CIDEA: variants seen among roughly 807,000 people sequenced by gnomAD.
The protein encoded by CIDEA is lipid transferase CIDEA.
Under a neutral mutation model 18.2 loss-of-function variants are expected in CIDEA, and 10 were observed. The observed-to-expected ratio is 0.55, with a 90% CI of 0.34 to 0.93. The LOEUF is 0.93. Among genes scored for constraint, CIDEA ranks in the 40% least tolerant of loss-of-function variants. The pLI is 0.02. For synonymous variants in CIDEA, 128 were observed against 124.8 expected, an observed-to-expected ratio of 1.03 and a Z score of -0.17; for missense variants, 309 against 293.1, an observed-to-expected ratio of 1.05 and a Z score of -0.40.
chr18:12,266,291 CA>C (rs1402491464), intron 3 of CIDEA, among the ~76,000 whole-genome samples: 2 of 151,702 alleles, frequency 1.3e-5, no homozygotes, highest in Non-Finnish European at 2.9e-5. Flanking sequence ...CCATCTCTAC[CA>C]AAAAATACAA....
At chr18:12,273,679 C>T (rs1307499367) in intron 3 of CIDEA, among the ~76,000 whole-genome samples, 1 of 152,198 alleles carries the variant, frequency 6.6e-6, no homozygotes, top group Non-Finnish European at 1.5e-5. Context: ...TAAAATTGAA[C>T]CAATGCTGCC....
chr18:12,277,519 C>A lies in CIDEA; in HGVS notation c.*249C>A, dbSNP rs995340735. The A allele has an allele frequency of 2.0e-6, 1 of 492,162 alleles. No individual in the cohort carries two copies. The highest frequency in any genetic ancestry group is 3.7e-6 in the Non-Finnish European group (1 of 272,038). The allele number at this position is 492,162 out of a possible 1,614,324, so 30.5% of individuals were successfully genotyped here. A position where few individuals can be genotyped will look rare whatever the true frequency, so the allele number is the denominator to read the frequency against. ...GGAAGCGAGCACGCAGCAGGCGTGCCCAGGAGCGTGTGCATGTGTCAGAGC... is the reference window on the plus strand; with the variant it reads ...GGAAGCGAGCACGCAGCAGGCGTGCACAGGAGCGTGTGCATGTGTCAGAGC... On this transcript the variant is annotated 3_prime_UTR_variant, in exon 5 of 5. Coordinates refer to ENST00000320477, the MANE Select transcript of CIDEA (RefSeq NM_001279.4).
chr18:12,260,277 G>A (rs1912154061), intron 1 of CIDEA, among the ~76,000 whole-genome samples: 1 of 152,124 alleles, frequency 6.6e-6, no homozygotes, highest in Admixed American at 6.5e-5. Context: ...TAGGGCTCGA[G>A]CAATCCCCTT....
At chr18:12,271,049 C>T (rs1007498248) in intron 3 of CIDEA, among the ~76,000 whole-genome samples, 4 of 151,820 alleles carry the variant, frequency 2.6e-5, no homozygotes, top group Non-Finnish European at 5.9e-5. Context: ...CAGGCGCCCA[C>T]CACCACGCCC....
chr18:12,277,376 C>A lies in CIDEA; in HGVS notation c.*106C>A. On this transcript the variant is annotated 3_prime_UTR_variant, in exon 5 of 5. Transcript: ENST00000320477. Reference sequence around the variant, plus strand: ...TTCTGAGCCACATGCACTTGGAGGCCGCTGGTCACGCTGCTCAGGAGTGGT... The same window carrying A: ...TTCTGAGCCACATGCACTTGGAGGCAGCTGGTCACGCTGCTCAGGAGTGGT... 1.7e-6 allele frequency: 2 copies of A among 1,199,428 alleles called. No individual in the cohort carries two copies. Among genetic ancestry groups the A allele is most frequent in the Non-Finnish European group, 2.4e-6 (2 of 849,200 alleles). The allele number at this position is 1,199,428 out of a possible 1,614,324, so 74.3% of individuals were successfully genotyped here. A position where few individuals can be genotyped will look rare whatever the true frequency, so the allele number is the denominator to read the frequency against.
intron 3 of CIDEA, among the ~76,000 whole-genome samples, chr18:12,269,627 C>T (rs1192829862): frequency 6.6e-6 from 1 of 152,198 alleles, no homozygotes; most frequent in Admixed American, 6.5e-5. Flanking sequence ...TCCAAATGTG[C>T]TGTGGAAACA....
chr18:12,256,336 C>T (rs1311256960), intron 1 of CIDEA, among the ~76,000 whole-genome samples: 1 of 152,188 alleles, frequency 6.6e-6, no homozygotes, highest in African/African-American at 2.4e-5. Context: ...TTATTAGTAA[C>T]TACATTTTAC....
At chr18:12,269,520 C>CT (rs1598780033) in intron 3 of CIDEA, among the ~76,000 whole-genome samples, 1 of 152,222 alleles carries the variant, frequency 6.6e-6, no homozygotes, top group East Asian at 1.9e-4. Context: ...TCCATCAGTC[C>CT]GTCTTCCATT....
chr18:12,254,548 C>A, intron 1 of CIDEA, 127 bp downstream of exon 1: 1 of 1,532,852 alleles, frequency 6.5e-7, no homozygotes, highest in South Asian at 1.2e-5. Context: ...CCCGCATTCT[C>A]TTGCGCTCCG....
chr18:12,276,359 C>T (rs1905333387), intron 4 of CIDEA, among the ~76,000 whole-genome samples: 1 of 152,018 alleles, frequency 6.6e-6, no homozygotes. Context: ...GTAGCACAAT[C>T]ATAGTTCACT....
chr18:12,277,024 G>T (rs994387354), intron 4 of CIDEA, 99 bp from the exon 5 acceptor site: 2 of 1,353,400 alleles, frequency 1.5e-6, no homozygotes, highest in South Asian at 2.6e-5. Flanking sequence ...GGCCTCCTCC[G>T]AGTGCCTTTT....
intron 4 of CIDEA, among the ~76,000 whole-genome samples, chr18:12,276,749 GA>G: frequency 6.6e-6 from 1 of 152,298 alleles, no homozygotes; most frequent in Non-Finnish European, 1.5e-5. Flanking sequence ...CCCAGCAGCC[GA>G]AGCCCAGGAC....
chr18:12,270,981 C>T (rs1264787311), intron 3 of CIDEA, among the ~76,000 whole-genome samples: 1 of 145,512 alleles, frequency 6.9e-6, no homozygotes, highest in Non-Finnish European at 1.5e-5. Flanking sequence ...TCACTGCAAC[C>T]TCCACCTCCA....
At chr18:12,263,091 G>A (rs1038289197) in intron 2 of CIDEA, 122 bp downstream of exon 2, 2 of 930,532 alleles carry the variant, frequency 2.1e-6, no homozygotes, top group Admixed American at 3.1e-5. Context: ...GCATCTCACT[G>A]GGGGGAAACG....
intron 3 of CIDEA, among the ~76,000 whole-genome samples, chr18:12,272,165 G>GGGT (rs1912562946): frequency 2.1e-3 from 24 of 11,698 alleles, no homozygotes; most frequent in South Asian, 0.011. Context: ...GGGGGGGTTG[G>GGGT]GGGGGGGTTG....
In CIDEA at chr18:12,271,130, C is replaced by T. The variant is rs922432765; in HGVS notation, c.331-2963C>T. 2.6e-4 allele frequency among the ~76,000 whole-genome samples: 39 copies of T among 152,182 alleles called. 1 individual carries two copies. Among genetic ancestry groups the T allele is most frequent in the African/African-American group, 8.7e-4 (36 of 41,526 alleles). On this transcript the variant is annotated intron_variant, in intron 3 of 4. Coordinates refer to ENST00000320477, the MANE Select transcript of CIDEA (RefSeq NM_001279.4). ...GCCAGGCTGGTCTCAAACTCCTGAC[C>T]TCAGGCGATCCACCCACCTCGGCCT... is the stretch of plus-strand genomic sequence containing the variant.
At chr18:12,259,823 T>G (rs1484288475) in intron 1 of CIDEA, among the ~76,000 whole-genome samples, 1 of 152,180 alleles carries the variant, frequency 6.6e-6, no homozygotes, top group African/African-American at 2.4e-5. Context: ...ATGGCATCAC[T>G]GCACTCCAGC....
intron 3 of CIDEA, among the ~76,000 whole-genome samples, chr18:12,271,356 G>A (rs1912524998): frequency 6.6e-6 from 1 of 152,238 alleles, no homozygotes; most frequent in Non-Finnish European, 1.5e-5. Context: ...GAAGGCCAGA[G>A]GCAGAGGAGG....
chr18:12,267,603 T>A (rs914945112), intron 3 of CIDEA, among the ~76,000 whole-genome samples: 24 of 151,964 alleles, frequency 1.6e-4, no homozygotes, highest in Admixed American at 1.6e-3. Flanking sequence ...AAGTGTTTCT[T>A]GTGCCTCAGC....
Sources: allele counts gnomAD v4.1 joint callset (sites outside exome capture counted in the v4.1 genomes callset), GRCh38; gene constraint gnomAD v4.1.1; transcripts MANE v1.5; gene names NCBI Gene and HGNC (gene_info 2026-07-23, HGNC 2026-07-21).